PLCXD3: variants seen among roughly 807,000 people sequenced by gnomAD.
PLCXD3 encodes PI-PLC X domain-containing protein 3.
A neutral mutation model predicts 25.5 loss-of-function variants in PLCXD3; 19 were observed. The observed-to-expected ratio is 0.75, with a 90% CI of 0.52 to 1.09. PLCXD3 has a LOEUF of 1.09. PLCXD3 is among the 50% of genes least tolerant of loss of function. The pLI is 0.00. For missense variants in PLCXD3, 411 were observed against 388.1 expected (o/e 1.06, Z -0.50); for synonymous variants, 174 against 137.6 (o/e 1.26, Z -1.85).
At chr5:41,338,556 A>G (rs1215536697) in intron 2 of PLCXD3, among the ~76,000 whole-genome samples, 1 of 151,992 alleles carries the variant, frequency 6.6e-6, no homozygotes, top group African/African-American at 2.4e-5. Flanking sequence ...GCTCAACTTG[A>G]GCATCCTTTT....
chr5:41,421,937 T>C (rs1746838176), intron 1 of PLCXD3, among the ~76,000 whole-genome samples: 2 of 152,280 alleles, frequency 1.3e-5, no homozygotes, highest in South Asian at 4.1e-4. Context: ...TCTTCATATA[T>C]TTACTATAAT....
At chr5:41,447,663 C>T (rs988469866) in intron 1 of PLCXD3, among the ~76,000 whole-genome samples, 7 of 152,292 alleles carry the variant, frequency 4.6e-5, no homozygotes, top group Non-Finnish European at 7.4e-5. Flanking sequence ...AAGATTGGGA[C>T]GGAGGCCTTA....
chr5:41,343,173 T>C (rs1744203124), intron 2 of PLCXD3, among the ~76,000 whole-genome samples: 1 of 152,178 alleles, frequency 6.6e-6, no homozygotes, highest in Non-Finnish European at 1.5e-5. Context: ...TTTCCTGTTC[T>C]GGCTCCTTAC....
At chr5:41,397,751 G>A (rs1317056807) in intron 1 of PLCXD3, among the ~76,000 whole-genome samples, 2 of 152,230 alleles carry the variant, frequency 1.3e-5, no homozygotes, top group Non-Finnish European at 2.9e-5. Context: ...AGTCACAGAT[G>A]TGGAACTACC....
At chr5:41,348,511 A>G (rs554374128) in intron 2 of PLCXD3, among the ~76,000 whole-genome samples, 12 of 152,358 alleles carry the variant, frequency 7.9e-5, no homozygotes, top group Admixed American at 1.3e-4. Context: ...TTAATTAACA[A>G]GACAAGGAAG....
At chr5:41,464,402 C>T (rs1013784351) in intron 1 of PLCXD3, among the ~76,000 whole-genome samples, 1 of 151,926 alleles carries the variant, frequency 6.6e-6, no homozygotes, top group Admixed American at 6.6e-5. Context: ...GCACTGAGAA[C>T]GGTAGAATGC....
In PLCXD3 at chr5:41,307,878, A is replaced by G. The variant is rs1018012501; in HGVS notation, c.*5739T>C. The stretch of plus-strand genomic sequence containing the variant: ...GGCGGTGTTGCCACTTTTCAGGAGC[A>G]TTTCTAATATGTCGGTGTGTTTTTG... On this transcript the variant is annotated 3_prime_UTR_variant, in exon 3 of 3. Transcript: ENST00000377801. 6.6e-6 allele frequency: 1 copy of G among 152,172 alleles called. No individual in the cohort carries two copies. Among genetic ancestry groups the G allele is most frequent in the Non-Finnish European group, 1.5e-5 (1 of 68,020 alleles). The allele number at this position is 152,172 out of a possible 1,614,324, so 9.4% of individuals were successfully genotyped here. A position where few individuals can be genotyped will look rare whatever the true frequency, so the allele number is the denominator to read the frequency against.
chr5:41,350,025 G>C (rs534206193), intron 2 of PLCXD3, among the ~76,000 whole-genome samples: 1 of 151,654 alleles, frequency 6.6e-6, no homozygotes, highest in East Asian at 1.9e-4. Flanking sequence ...GCTAATATCT[G>C]TGGATGACTC....
intron 1 of PLCXD3, among the ~76,000 whole-genome samples, chr5:41,466,170 G>C (rs1356360627): frequency 1.3e-5 from 2 of 151,956 alleles, no homozygotes; most frequent in Admixed American, 6.6e-5. Flanking sequence ...AAATACAACT[G>C]CTTAATAAAA....
At chr5:41,395,835 C>T (rs1482211188) in intron 1 of PLCXD3, among the ~76,000 whole-genome samples, 2 of 151,944 alleles carry the variant, frequency 1.3e-5, no homozygotes, top group African/African-American at 4.8e-5. Flanking sequence ...TAAAGAAAAG[C>T]TTGGGACCTG....
chr5:41,499,798 C>G (rs1484176984), intron 1 of PLCXD3, among the ~76,000 whole-genome samples: 2 of 151,604 alleles, frequency 1.3e-5, no homozygotes, highest in Non-Finnish European at 3.0e-5. Flanking sequence ...AACATATAGA[C>G]CAATAAAACA....
intron 1 of PLCXD3, among the ~76,000 whole-genome samples, chr5:41,449,516 T>C (rs1318950833): frequency 2.0e-5 from 3 of 152,140 alleles, no homozygotes; most frequent in Non-Finnish European, 2.9e-5. Context: ...AAGCAGACTA[T>C]GAGACTAAGA....
intron 2 of PLCXD3, among the ~76,000 whole-genome samples, chr5:41,370,610 G>A (rs760507591): frequency 6.6e-6 from 1 of 152,116 alleles, no homozygotes; most frequent in South Asian, 2.1e-4. Flanking sequence ...CACCTCACTC[G>A]ACTAGCCATT....
intron 2 of PLCXD3, among the ~76,000 whole-genome samples, chr5:41,353,824 C>T (rs965841700): frequency 3.3e-5 from 5 of 152,126 alleles, no homozygotes; most frequent in East Asian, 3.9e-4. Context: ...TCTCTGGGCT[C>T]CAGTAGTAAC....
chr5:41,370,448 A>G (rs1176306773), intron 2 of PLCXD3, among the ~76,000 whole-genome samples: 1 of 152,218 alleles, frequency 6.6e-6, no homozygotes, highest in African/African-American at 2.4e-5. Context: ...CATTTTATCA[A>G]CCAAATGTGG....
intron 1 of PLCXD3, among the ~76,000 whole-genome samples, chr5:41,405,252 A>G (rs756467153): frequency 6.6e-6 from 1 of 152,084 alleles, no homozygotes; most frequent in Non-Finnish European, 1.5e-5. Context: ...AAGTGGCAAT[A>G]TTTCTACTTC....
rs1458380401 is a variant in PLCXD3 at position 41,311,081 on chromosome 5, G to A, written c.*2536C>T. On this transcript the variant is annotated 3_prime_UTR_variant, in exon 3 of 3. Transcript: ENST00000377801. ...CTCTATATTTTATTCATGATATGAT[G>A]AAAAATCTGTTTTCCATTATATTTA... 1 of 152,086 alleles carries A rather than the reference G, an allele frequency of 6.6e-6. No individual in the cohort carries two copies. The highest frequency in any genetic ancestry group is 1.5e-5 in the Non-Finnish European group (1 of 68,010). The allele number at this position is 152,086 out of a possible 1,614,324, so 9.4% of individuals were successfully genotyped here. A position where few individuals can be genotyped will look rare whatever the true frequency, so the allele number is the denominator to read the frequency against.
chr5:41,385,773 A>G (rs1366226439), intron 1 of PLCXD3, among the ~76,000 whole-genome samples: 6 of 152,136 alleles, frequency 3.9e-5, no homozygotes, highest in African/African-American at 1.4e-4. Context: ...TTGATGAGTG[A>G]ACTGCCATGT....
At chr5:41,492,662 C>T (rs1748731160) in intron 1 of PLCXD3, among the ~76,000 whole-genome samples, 2 of 152,096 alleles carry the variant, frequency 1.3e-5, no homozygotes, top group African/African-American at 2.4e-5. Context: ...TCTAAACTTC[C>T]CTTCTCGCTT....
Sources: gnomAD v4.1 joint callset for allele counts (sites outside exome capture counted in the v4.1 genomes callset) on GRCh38, gnomAD v4.1.1 for gene constraint, MANE v1.5 for transcripts, NCBI Gene and HGNC (gene_info 2026-07-23, HGNC 2026-07-21) for gene names.